CCDC13: variants seen among roughly 807,000 people sequenced by gnomAD.
CCDC13 encodes coiled-coil domain-containing protein 13.
Under a neutral mutation model 87.3 loss-of-function variants are expected in CCDC13, and 70 were observed. The ratio of observed to expected loss-of-function variants is 0.80; its 90% CI spans 0.66 to 0.98. The LOEUF (loss-of-function observed/expected upper bound fraction) is 0.98. CCDC13 is among the 50% of genes least tolerant of loss of function. The pLI, the probability that CCDC13 is intolerant of heterozygous loss-of-function variation, is 0.00. For missense variants in CCDC13, 842 were observed against 892.0 expected (o/e 0.94, Z 0.71); for synonymous variants, 317 against 360.3 (o/e 0.88, Z 1.36).
chr3:42,771,994 G>A (rs1700127799), intron 1 of CCDC13, among the ~76,000 whole-genome samples: 1 of 152,014 alleles, frequency 6.6e-6, no homozygotes, highest in Admixed American at 6.6e-5. Context: ...AGGCTAAGCC[G>A]GGCGTGGTGG....
At chr3:42,722,460 A>G (rs1455224934) in intron 13 of CCDC13, among the ~76,000 whole-genome samples, 1 of 152,224 alleles carries the variant, frequency 6.6e-6, no homozygotes, top group Non-Finnish European at 1.5e-5. Flanking sequence ...TCTAAGTCAC[A>G]GGATGAGATG....
chr3:42,722,791 C>CTTTTTTTTT (rs956889825), intron 13 of CCDC13, among the ~76,000 whole-genome samples: 2 of 109,098 alleles, frequency 1.8e-5, no homozygotes, highest in Non-Finnish European at 3.7e-5. Context: ...TATTCCTTTA[C>CTTTTTTTTT]TTTTTTTTTT....
At chr3:42,710,658 C>A (rs1698289325) in intron 14 of CCDC13, among the ~76,000 whole-genome samples, 1 of 152,088 alleles carries the variant, frequency 6.6e-6, no homozygotes, top group Non-Finnish European at 1.5e-5. Flanking sequence ...CACGGTGAAA[C>A]CCTGTCTCTA....
At chr3:42,733,734 G>T in intron 10 of CCDC13, 125 bp from the exon 11 acceptor site, 1 of 1,220,194 alleles carries the variant, frequency 8.2e-7, no homozygotes, top group Admixed American at 3.2e-5. Flanking sequence ...TTTCAGGAGT[G>T]AAAAGCGAGG....
intron 1 of CCDC13, among the ~76,000 whole-genome samples, chr3:42,763,285 G>C (rs913158529): frequency 6.6e-6 from 1 of 152,174 alleles, no homozygotes; most frequent in South Asian, 2.1e-4. Flanking sequence ...AGTTTACTAC[G>C]TACAGAGAAA....
At chr3:42,770,819 A>T (rs2125917630) in intron 1 of CCDC13, 1 of 153,064 alleles carries the variant, frequency 6.5e-6, no homozygotes, top group East Asian at 1.9e-4. Flanking sequence ...TGTAACACTC[A>T]CCGCGAAGGT....
chr3:42,743,600 T>TATATATATATATATATATAC lies in CCDC13; in HGVS notation c.826-544_826-543insGTATATATATATATATATAT. Among the ~76,000 whole-genome samples, 65 of 125,794 alleles carry TATATATATATATATATATAC rather than the reference T, an allele frequency of 5.2e-4. 2 individuals carry two copies. The highest frequency in any genetic ancestry group is 2.3e-3 in the African/African-American group (64 of 27,866). The allele number at this position is 125,794 out of a possible 152,430, so 82.5% of individuals were successfully genotyped here. A position where few individuals can be genotyped will look rare whatever the true frequency, so the allele number is the denominator to read the frequency against. On this transcript the variant is annotated intron_variant, in intron 7 of 15. Transcript: ENST00000310232. ...GCCTGGATAATTTTATATATATATATACACACACACATATATATATACACA... is the reference window on the plus strand; with the variant it reads ...GCCTGGATAATTTTATATATATATATATATATATATATATATATACACACACACACATATATATATACACA...
At chr3:42,734,020 G>C (rs1698917448) in intron 10 of CCDC13, among the ~76,000 whole-genome samples, 1 of 152,186 alleles carries the variant, frequency 6.6e-6, no homozygotes, top group Admixed American at 6.5e-5. Flanking sequence ...GGACCTTCCA[G>C]ACACCTGCAG....
At chr3:42,725,944 ACT>A (rs1698675763) in intron 13 of CCDC13, among the ~76,000 whole-genome samples, 1 of 152,130 alleles carries the variant, frequency 6.6e-6, no homozygotes, top group African/African-American at 2.4e-5. Context: ...ATGGTAGAAA[ACT>A]CTAAAGGGAA....
At chr3:42,734,463 T>C (rs1698936972) in intron 10 of CCDC13, among the ~76,000 whole-genome samples, 1 of 152,144 alleles carries the variant, frequency 6.6e-6, no homozygotes, top group African/African-American at 2.4e-5. Flanking sequence ...CTGCCGTATG[T>C]GCTCTGTTCC....
chr3:42,767,565 G>A (rs1157780261), intron 1 of CCDC13, among the ~76,000 whole-genome samples: 1 of 152,170 alleles, frequency 6.6e-6, no homozygotes, highest in Non-Finnish European at 1.5e-5. Context: ...GCAAATTACT[G>A]TATGGATATC....
At chr3:42,737,974 A>C (rs929138964) in intron 9 of CCDC13, among the ~76,000 whole-genome samples, 4 of 152,162 alleles carry the variant, frequency 2.6e-5, no homozygotes, top group South Asian at 4.1e-4. Flanking sequence ...TTTAGTCATG[A>C]AGTCCTTGCC....
Position 42,766,623 on chromosome 3 carries a change from A to AG in CCDC13, c.-7+6552_-7+6553insC, listed in dbSNP as rs1483586080. On this transcript the variant is annotated intron_variant, in intron 1 of 15. Coordinates refer to ENST00000310232, the MANE Select transcript of CCDC13 (RefSeq NM_144719.4). ...CTGTCTCAAAGAAAAAAAAAAAAAAACAACCAACCAACCAAACAAACAAAC... is the reference window on the plus strand; with the variant it reads ...CTGTCTCAAAGAAAAAAAAAAAAAAAGCAACCAACCAACCAAACAAACAAAC... 4.5e-3 allele frequency among the ~76,000 whole-genome samples: 682 copies of AG among 150,690 alleles called. 7 individuals carry two copies. The highest frequency in any genetic ancestry group is 0.016 in the African/African-American group (643 of 40,964).
chr3:42,750,007 A>G (rs1228808109), intron 5 of CCDC13: 1 of 452,760 alleles, frequency 2.2e-6, no homozygotes, highest in Admixed American at 2.4e-5. Context: ...AGGAGATGCC[A>G]GGGAGAACAC....
chr3:42,718,154 G>A (rs1698474572), intron 13 of CCDC13: 1 of 152,210 alleles, frequency 6.6e-6, no homozygotes, highest in African/African-American at 2.4e-5. Context: ...CACAGGATGA[G>A]ATAGGAGGTC....
In CCDC13 at chr3:42,735,556, G is replaced by C. The variant is rs992567343; in HGVS notation, c.1371+151C>G. On this transcript the variant is annotated intron_variant, in intron 10 of 15. Transcript: ENST00000310232. ...CACAATCAGGTTTGTGTGCAGAATG[G>C]GTTGGGGAGCCAGATAGAAGCAGGT... is the stretch of plus-strand genomic sequence containing the variant. 2.3e-5 allele frequency: 17 copies of C among 749,410 alleles called. No homozygotes were observed. In the South Asian group the frequency reaches 2.4e-4, roughly 11 times the overall value. 46.4% of individuals were successfully genotyped at this position (749,410 alleles called of 1,614,324 possible). A position where few individuals can be genotyped will look rare whatever the true frequency, so the allele number is the denominator to read the frequency against.
At position 42,733,505 on chromosome 3, in the gene CCDC13, T is replaced by C. The variant is rs763040555; in HGVS notation, c.1476A>G (p.Ser492=). ...EDPGLTKSPA[S]AGDHVGRLGS... ...CAAGCCTGCCAACATGATCGCCTGC[T>C]GAGGCCGGGGACTTGGTCAGGCCTG... is the stretch of plus-strand genomic sequence containing the variant. The change falls in exon 11 of 16, where the codon TCA becomes TCG. Residue 492 remains serine, a synonymous_variant. Transcript: ENST00000310232. 1.9e-6 allele frequency: 3 copies of C among 1,614,166 alleles called. No homozygotes were observed. The Admixed American group carries it at 5.0e-5, about 27-fold the overall frequency.
intron 13 of CCDC13, among the ~76,000 whole-genome samples, chr3:42,718,379 C>T (rs562345524): frequency 5.8e-4 from 89 of 152,266 alleles, no homozygotes; most frequent in African/African-American, 2.1e-3. Flanking sequence ...AATAACCCAC[C>T]CCTTGTTTAG....
chr3:42,740,854 T>C (rs1230669680), intron 8 of CCDC13: 7 of 152,202 alleles, frequency 4.6e-5, no homozygotes, highest in Admixed American at 4.6e-4. Flanking sequence ...AGTATTTTCA[T>C]ATCCTTGATG....
Sources: allele counts gnomAD v4.1 joint callset (sites outside exome capture counted in the v4.1 genomes callset), GRCh38; gene constraint gnomAD v4.1.1; transcripts MANE v1.5; gene names NCBI Gene and HGNC (gene_info 2026-07-23, HGNC 2026-07-21).